Variants in LRP1B observed in about 807,000 individuals in gnomAD.
LRP1B encodes LDL receptor related protein 1B.
A neutral mutation model predicts 556.6 loss-of-function variants in LRP1B; 217 were observed. That is an observed-to-expected ratio of 0.39 (90% CI 0.35 to 0.44). The LOEUF (loss-of-function observed/expected upper bound fraction) is 0.44. Among genes scored for constraint, LRP1B ranks in the 20% least tolerant of loss-of-function variants. The pLI is 1.00. For missense variants in LRP1B, 5,053 were observed against 5,620.8 expected, an observed-to-expected ratio of 0.90 and a Z score of 3.23; for synonymous variants, 2,047 against 1,865.8, an observed-to-expected ratio of 1.10 and a Z score of -2.50.
chr2:141,944,816 G>A (rs1055200949), intron 1 of LRP1B, among the ~76,000 whole-genome samples: 4 of 152,202 alleles, frequency 2.6e-5, no homozygotes, highest in East Asian at 3.9e-4. Context: ...TGAATTCTGA[G>A]ATATCTACCA....
At chr2:141,278,351 A>G (rs1192224356) in intron 3 of LRP1B, among the ~76,000 whole-genome samples, 1 of 152,152 alleles carries the variant, frequency 6.6e-6, no homozygotes, top group Non-Finnish European at 1.5e-5. Flanking sequence ...GCTTCCTAGT[A>G]TAAATAGTAT....
intron 2 of LRP1B, among the ~76,000 whole-genome samples, chr2:141,638,021 C>CA (rs1317948940): frequency 6.6e-6 from 1 of 151,966 alleles, no homozygotes; most frequent in Non-Finnish European, 1.5e-5. Flanking sequence ...GGCATCATGG[C>CA]AAAATCCCAT....
chr2:140,779,044 A>T (rs974869981), intron 32 of LRP1B, among the ~76,000 whole-genome samples: 5 of 151,404 alleles, frequency 3.3e-5, no homozygotes, highest in African/African-American at 1.2e-4. Context: ...GGTTATGTAT[A>T]ACCCACATCT....
intron 1 of LRP1B, among the ~76,000 whole-genome samples, chr2:141,833,806 G>A (rs1280921175): frequency 6.6e-6 from 1 of 151,768 alleles, no homozygotes; most frequent in Non-Finnish European, 1.5e-5. Context: ...AAGGAATAGA[G>A]ATGAGGGCAC....
intron 2 of LRP1B, among the ~76,000 whole-genome samples, chr2:141,714,019 T>C (rs565423210): frequency 6.6e-6 from 1 of 152,342 alleles, no homozygotes; most frequent in African/African-American, 2.4e-5. Context: ...AGCTGAGTGC[T>C]ACAGTCTATT....
chr2:141,593,986 C>T (rs1022952089), intron 2 of LRP1B, among the ~76,000 whole-genome samples: 1 of 151,926 alleles, frequency 6.6e-6, no homozygotes, highest in Admixed American at 6.6e-5. Flanking sequence ...TGATTGATCC[C>T]CACCCTTCAC....
intron 29 of LRP1B, among the ~76,000 whole-genome samples, chr2:140,843,583 A>G (rs909681160): frequency 2.6e-5 from 4 of 152,122 alleles, no homozygotes; most frequent in Admixed American, 6.5e-5. Flanking sequence ...AGATTTCCAG[A>G]TATTACCTGA....
At chr2:140,717,286 G>T (rs1300002522) in intron 35 of LRP1B, among the ~76,000 whole-genome samples, 2 of 151,980 alleles carry the variant, frequency 1.3e-5, no homozygotes, top group African/African-American at 4.8e-5. Context: ...AGAAACATAA[G>T]AGCATTTCAA....
chr2:140,273,977 A>C (rs1682569066), intron 85 of LRP1B, among the ~76,000 whole-genome samples: 1 of 152,048 alleles, frequency 6.6e-6, no homozygotes, highest in Admixed American at 6.6e-5. Context: ...AAAAAGGATT[A>C]ATGTGTGTTT....
intron 2 of LRP1B, among the ~76,000 whole-genome samples, chr2:141,701,472 T>C (rs11891104): frequency 0.36 from 54,511 of 151,624 alleles, 10,329 homozygotes; most frequent in East Asian, 0.59. Flanking sequence ...TTATTCCTTC[T>C]ATTCTTATGT....
At chr2:141,038,139 T>A (rs1482035459) in intron 11 of LRP1B, among the ~76,000 whole-genome samples, 3 of 148,806 alleles carry the variant, frequency 2.0e-5, no homozygotes, top group Non-Finnish European at 3.0e-5. Context: ...TAAAAATAAT[T>A]AAAAAAAAAA....
At chr2:141,206,711 C>T (rs1256702296) in intron 6 of LRP1B, among the ~76,000 whole-genome samples, 1 of 152,130 alleles carries the variant, frequency 6.6e-6, no homozygotes, top group African/African-American at 2.4e-5. Context: ...GATTGGAAAG[C>T]TTAAAACTAT....
intron 1 of LRP1B, among the ~76,000 whole-genome samples, chr2:142,008,801 G>A (rs1368719749): frequency 6.6e-6 from 1 of 151,758 alleles, no homozygotes; most frequent in Non-Finnish European, 1.5e-5. Context: ...TGCCTTACAT[G>A]TTATATGTAA....
At chr2:141,046,100 G>T (rs1698862031) in intron 11 of LRP1B, among the ~76,000 whole-genome samples, 1 of 152,064 alleles carries the variant, frequency 6.6e-6, no homozygotes, top group African/African-American at 2.4e-5. Flanking sequence ...AATAAAGATG[G>T]ATTTTTTTGG....
chr2:142,003,663 G>A (rs1702722880), intron 1 of LRP1B, among the ~76,000 whole-genome samples: 2 of 152,188 alleles, frequency 1.3e-5, no homozygotes, highest in Non-Finnish European at 2.9e-5. Flanking sequence ...TGCAGGCAGG[G>A]TGGAATGGAA....
At chr2:140,483,676 T>C (rs1008417193) in intron 59 of LRP1B, among the ~76,000 whole-genome samples, 24 of 139,684 alleles carry the variant, frequency 1.7e-4, no homozygotes, top group Non-Finnish European at 2.3e-4. Context: ...TGTCTGGCTG[T>C]GTCACCCAGG....
chr2:141,676,293 C>A (rs1020079127), intron 2 of LRP1B, among the ~76,000 whole-genome samples: 4 of 152,086 alleles, frequency 2.6e-5, no homozygotes, highest in Non-Finnish European at 4.4e-5. Flanking sequence ...AAAATCAATA[C>A]ATGTTTATAG....
chr2:140,651,669 G>A (rs1317914667), intron 41 of LRP1B, among the ~76,000 whole-genome samples: 2 of 151,964 alleles, frequency 1.3e-5, no homozygotes, highest in East Asian at 3.9e-4. Context: ...AAATGTCATC[G>A]AACCAGATTT....
chr2:140,396,835 C>G (rs765894538), intron 66 of LRP1B, among the ~76,000 whole-genome samples: 1 of 152,070 alleles, frequency 6.6e-6, no homozygotes, highest in Non-Finnish European at 1.5e-5. Flanking sequence ...TGTTTGGTTA[C>G]GAGTTAAGTG....
Sources: gnomAD v4.1 joint callset for allele counts (sites outside exome capture counted in the v4.1 genomes callset) on GRCh38, gnomAD v4.1.1 for gene constraint, MANE v1.5 for transcripts, NCBI Gene and HGNC (gene_info 2026-07-23, HGNC 2026-07-21) for gene names.